The following EPB41 variants were observed in gnomAD, a reference collection of about 807,000 sequenced individuals.
EPB41 encodes erythrocyte membrane protein band 4.1, also known as protein 4.1.
A neutral mutation model predicts 108.0 loss-of-function variants in EPB41; 65 were observed. The observed-to-expected ratio is 0.60, with a 90% CI of 0.49 to 0.74. The LOEUF is 0.74. Ranked by LOEUF, EPB41 falls within the 30% of genes least tolerant of loss-of-function variation. The pLI, the probability that EPB41 is intolerant of heterozygous loss-of-function variation, is 0.00. For synonymous variants in EPB41, 336 were observed against 358.9 expected (o/e 0.94, Z 0.72); for missense variants, 875 against 1,037.0 (o/e 0.84, Z 2.15).
At chr1:29,036,105 A>T (rs1639319393) in intron 10 of EPB41, among the ~76,000 whole-genome samples, 182 bp downstream of exon 10, 1 of 152,204 alleles carries the variant, frequency 6.6e-6, no homozygotes, top group Admixed American at 6.5e-5. Context: ...GTATGCCTCA[A>T]CATTTCCAAA....
At chr1:28,928,970 C>T (rs1236440633) in intron 1 of EPB41, among the ~76,000 whole-genome samples, 1 of 152,132 alleles carries the variant, frequency 6.6e-6, no homozygotes, top group Non-Finnish European at 1.5e-5. Context: ...TGTCTTTATG[C>T]AAGTTACACA....
At chr1:29,068,860 GAA>G in intron 16 of EPB41, 1 of 1,114,740 alleles carries the variant, frequency 9.0e-7, no homozygotes, top group Non-Finnish European at 1.1e-6. Context: ...AATCCCCCCA[GAA>G]CTGAACAACA....
intron 1 of EPB41, among the ~76,000 whole-genome samples, chr1:28,895,588 C>T (rs2090581104): frequency 6.6e-6 from 1 of 152,122 alleles, no homozygotes; most frequent in Non-Finnish European, 1.5e-5. Context: ...CTCCTGGGTT[C>T]AAGCAATTCT....
chr1:28,991,494 C>T (rs757691145), intron 2 of EPB41, among the ~76,000 whole-genome samples: 97 of 151,396 alleles, frequency 6.4e-4, no homozygotes, highest in Non-Finnish European at 1.1e-3. Flanking sequence ...ACTAGAGCCC[C>T]GGAGTTCGAG....
chr1:28,908,437 A>G (rs905746858), intron 1 of EPB41, among the ~76,000 whole-genome samples: 3 of 147,808 alleles, frequency 2.0e-5, no homozygotes, highest in African/African-American at 7.4e-5. Flanking sequence ...TATTATTATT[A>G]TTATTTTTTT....
In EPB41 at chr1:29,119,946, T is replaced by C. The variant is rs1189063325; in HGVS notation, c.*3134T>C. 1.3e-5 allele frequency: 2 copies of C among 152,692 alleles called. No individual in the cohort carries two copies. The highest frequency in any genetic ancestry group is 4.8e-5 in the African/African-American group (2 of 41,468). 9.5% of individuals were successfully genotyped at this position (152,692 alleles called of 1,614,324 possible). A position where few individuals can be genotyped will look rare whatever the true frequency, so the allele number is the denominator to read the frequency against. On this transcript the variant is annotated 3_prime_UTR_variant, in exon 21 of 21. Coordinates refer to ENST00000343067, the MANE Select transcript of EPB41 (RefSeq NM_001376013.1). ...ACAGGCAATAATCAAGTCTGCTGTT[T>C]TGGCCTTTCGTAGTAGAAGTGGTTG...
At chr1:29,003,806 A>C (rs915382987) in intron 4 of EPB41, among the ~76,000 whole-genome samples, 2 of 152,178 alleles carry the variant, frequency 1.3e-5, no homozygotes, top group African/African-American at 4.8e-5. Context: ...TTTTTCTTTC[A>C]GGCTGGAGTG....
intron 1 of EPB41, among the ~76,000 whole-genome samples, chr1:28,905,189 A>G (rs1186540687): frequency 1.3e-5 from 2 of 151,338 alleles, no homozygotes. Context: ...ACAGAGCAAG[A>G]CTATGTCTCA....
At position 29,096,663 on chromosome 1, in the gene EPB41, TGTCCTGTGGAGGA is replaced by T. The variant is rs913539478; in HGVS notation, c.2185-1142_2185-1130del. 91 of 919,026 alleles carry T rather than the reference TGTCCTGTGGAGGA, an allele frequency of 9.9e-5. No homozygotes were observed. In the African/African-American group the frequency reaches 1.6e-3, roughly 16 times the overall value. The allele number at this position is 919,026 out of a possible 1,614,324, so 56.9% of individuals were successfully genotyped here. On this transcript the variant is annotated intron_variant, in intron 16 of 20. Coordinates refer to ENST00000343067, the MANE Select transcript of EPB41 (RefSeq NM_001376013.1). ...CTGTCTTTGGAAGAGGGCCAGAATC[TGTCCTGTGGAGGA>T]GGTGGTGGTGGTATGGTGAGGGTAG... is the stretch of plus-strand genomic sequence containing the variant.
At chr1:28,889,619 G>A (rs1428430996) in intron 1 of EPB41, among the ~76,000 whole-genome samples, 3 of 152,242 alleles carry the variant, frequency 2.0e-5, no homozygotes, top group African/African-American at 4.8e-5. Flanking sequence ...AGATGCTGAC[G>A]CTGTGCAGGC....
At chr1:28,974,479 A>T (rs1557874161) in intron 1 of EPB41, among the ~76,000 whole-genome samples, 1 of 152,230 alleles carries the variant, frequency 6.6e-6, no homozygotes, top group Non-Finnish European at 1.5e-5. Context: ...AAATCATTCT[A>T]GTATGTAATT....
At chr1:29,038,533 G>A (rs1448884661) in intron 10 of EPB41, among the ~76,000 whole-genome samples, 1 of 152,182 alleles carries the variant, frequency 6.6e-6, no homozygotes, top group East Asian at 1.9e-4. Flanking sequence ...AGTATTTGAT[G>A]TAGTAATTTA....
chr1:29,040,383 T>C (rs1306971961), intron 11 of EPB41, among the ~76,000 whole-genome samples: 2 of 151,944 alleles, frequency 1.3e-5, no homozygotes, highest in African/African-American at 4.8e-5. Flanking sequence ...AAGGTTCAAG[T>C]GATTCTCCTG....
chr1:29,030,166 T>C (rs2096770952), intron 7 of EPB41, among the ~76,000 whole-genome samples: 1 of 152,172 alleles, frequency 6.6e-6, no homozygotes, highest in African/African-American at 2.4e-5. Flanking sequence ...TTTGCAGCTT[T>C]TTGGTGACTT....
intron 1 of EPB41, among the ~76,000 whole-genome samples, chr1:28,967,532 T>G (rs4275422): frequency 0.13 from 19,326 of 152,232 alleles, 1,508 homozygotes; most frequent in East Asian, 0.37. Flanking sequence ...TCTGTTTTTC[T>G]CTCAAGCTGT....
At chr1:28,967,383 A>G (rs1340811409) in intron 1 of EPB41, among the ~76,000 whole-genome samples, 1 of 152,116 alleles carries the variant, frequency 6.6e-6, no homozygotes, top group Non-Finnish European at 1.5e-5. Flanking sequence ...AAAGAAAGTT[A>G]CTGATACTTT....
In EPB41 at chr1:29,109,327, C is replaced by A; in HGVS notation, c.2314-9C>A. 6.2e-7 allele frequency: 1 copy of A among 1,612,178 alleles called. No individual in the cohort carries two copies. Among genetic ancestry groups the A allele is most frequent in the South Asian group, 1.1e-5 (1 of 91,030 alleles). Reference sequence around the variant, plus strand: ...GAGGCATGATGATGAGCCATGCTTTCTTCTGCAGACTGACGACAACAGTGG... The same window carrying A: ...GAGGCATGATGATGAGCCATGCTTTATTCTGCAGACTGACGACAACAGTGG... On this transcript the variant is annotated splice_polypyrimidine_tract_variant and intron_variant, in intron 17 of 20. Transcript: ENST00000343067.
intron 18 of EPB41, 39 bp downstream of exon 18, chr1:29,109,476 G>T (rs368098815): frequency 6.4e-7 from 1 of 1,564,140 alleles, no homozygotes; most frequent in African/African-American, 1.4e-5. Flanking sequence ...GAACCCAGGG[G>T]CAGGCTAAGC....
chr1:28,928,156 AAC>A (rs1195360230), intron 1 of EPB41, among the ~76,000 whole-genome samples: 3 of 151,978 alleles, frequency 2.0e-5, no homozygotes, highest in African/African-American at 7.3e-5. Context: ...CACGAGATAA[AAC>A]ACACACCTCT....
Sources: gnomAD v4.1 joint callset for allele counts (sites outside exome capture counted in the v4.1 genomes callset) on GRCh38, gnomAD v4.1.1 for gene constraint, MANE v1.5 for transcripts, NCBI Gene and HGNC (gene_info 2026-07-23, HGNC 2026-07-21) for gene names.